The following NTNG1 variants were observed in gnomAD, a reference collection of about 807,000 sequenced individuals.
NTNG1 encodes netrin G1, also known as netrin-G1.
In NTNG1, 16 loss-of-function variants were observed where a neutral mutation model predicts 54.0. The observed-to-expected ratio is 0.30, with a 90% confidence interval of 0.20 to 0.45. NTNG1 has a LOEUF of 0.45. Ranked by LOEUF, NTNG1 falls within the 20% of genes least tolerant of loss-of-function variation. NTNG1 has a pLI of 1.00. For missense variants in NTNG1, 530 were observed against 678.7 expected (o/e 0.78, Z 2.43); for synonymous variants, 255 against 263.1 (o/e 0.97, Z 0.30).
intron 3 of NTNG1, among the ~76,000 whole-genome samples, chr1:107,338,657 GTTC>G (rs915004497): frequency 4.0e-5 from 6 of 151,744 alleles, no homozygotes; most frequent in Non-Finnish European, 5.9e-5. Flanking sequence ...TACACCAAGA[GTTC>G]TTCTTCTGGT....
At chr1:107,351,556 C>A (rs753717504) in intron 3 of NTNG1, among the ~76,000 whole-genome samples, 32 of 152,174 alleles carry the variant, frequency 2.1e-4, no homozygotes, top group Non-Finnish European at 4.0e-4. Flanking sequence ...AATCTGCCCC[C>A]ATGATCCAAT....
intron 2 of NTNG1, among the ~76,000 whole-genome samples, chr1:107,259,480 T>C (rs987665770): frequency 2.0e-5 from 3 of 152,236 alleles, no homozygotes; most frequent in African/African-American, 7.2e-5. Flanking sequence ...ACTTAGGAAA[T>C]ATCTTTAAAA....
chr1:107,246,567 A>T (rs1662217750), intron 2 of NTNG1, among the ~76,000 whole-genome samples: 1 of 152,046 alleles, frequency 6.6e-6, no homozygotes. Flanking sequence ...CTGGGTTTCC[A>T]TTTGATTTTT....
intron 2 of NTNG1, among the ~76,000 whole-genome samples, chr1:107,274,417 T>G (rs1261789658): frequency 6.6e-6 from 1 of 152,236 alleles, no homozygotes; most frequent in Non-Finnish European, 1.5e-5. Flanking sequence ...TGTATTGTAC[T>G]TGACATGTGC....
chr1:107,352,492 C>T (rs1669681332), intron 3 of NTNG1, among the ~76,000 whole-genome samples: 1 of 152,182 alleles, frequency 6.6e-6, no homozygotes, highest in East Asian at 1.9e-4. Context: ...AGGCTCCAGC[C>T]CCACATTTCC....
At position 107,214,354 on chromosome 1, in the gene NTNG1, T is replaced by C. The variant is rs138087103; in HGVS notation, c.246+65515T>C. On this transcript the variant is annotated intron_variant, in intron 2 of 7. Coordinates refer to ENST00000370068, the MANE Select transcript of NTNG1 (RefSeq NM_001113226.3). ...CTCATAGCTTAGCTCTCACTTACGA[T>C]TGAGAAGATACGATGTTTGATTTTC... is the stretch of plus-strand genomic sequence containing the variant. 2.8e-3 allele frequency among the ~76,000 whole-genome samples: 430 copies of C among 152,244 alleles called. 4 individuals carry two copies. Among genetic ancestry groups the C allele is most frequent in the South Asian group, 0.014 (66 of 4,826 alleles).
At chr1:107,185,592 T>C (rs1657394043) in intron 2 of NTNG1, among the ~76,000 whole-genome samples, 1 of 152,198 alleles carries the variant, frequency 6.6e-6, no homozygotes, top group Admixed American at 6.5e-5. Context: ...TTCTGAGGTT[T>C]GAGTGGCTAT....
chr1:107,301,003 G>C (rs1666279868), intron 2 of NTNG1, among the ~76,000 whole-genome samples: 1 of 151,616 alleles, frequency 6.6e-6, no homozygotes, highest in Non-Finnish European at 1.5e-5. Context: ...CTACCTAAAA[G>C]CTTATGACTT....
intron 2 of NTNG1, among the ~76,000 whole-genome samples, chr1:107,190,400 C>T (rs530305090): frequency 3.9e-5 from 6 of 152,040 alleles, no homozygotes; most frequent in Non-Finnish European, 8.8e-5. Context: ...AGTTCTTGAG[C>T]ATCTTTTTGT....
At chr1:107,171,611 G>C (rs1656243194) in intron 2 of NTNG1, among the ~76,000 whole-genome samples, 1 of 152,140 alleles carries the variant, frequency 6.6e-6, no homozygotes, top group Non-Finnish European at 1.5e-5. Context: ...ACTGCCCTGT[G>C]TGTGGAACCT....
intron 5 of NTNG1, chr1:107,420,943 G>A: frequency 1.6e-6 from 1 of 628,278 alleles, no homozygotes; most frequent in Non-Finnish European, 2.8e-6. Flanking sequence ...CTTTGTGATT[G>A]AAACAAACTC....
At chr1:107,330,118 C>T (rs1177466567) in intron 3 of NTNG1, among the ~76,000 whole-genome samples, 2 of 152,040 alleles carry the variant, frequency 1.3e-5, no homozygotes, top group Non-Finnish European at 2.9e-5. Context: ...TACCTAAAAA[C>T]AGCACAGCAT....
chr1:107,204,677 A>G (rs1659044497), intron 2 of NTNG1, among the ~76,000 whole-genome samples: 1 of 152,134 alleles, frequency 6.6e-6, no homozygotes, highest in Non-Finnish European at 1.5e-5. Flanking sequence ...AAATTATAAG[A>G]TAGAATGAAA....
intron 5 of NTNG1, among the ~76,000 whole-genome samples, chr1:107,428,020 C>T (rs569366564): frequency 1.2e-4 from 19 of 152,134 alleles, no homozygotes; most frequent in Middle Eastern, 3.4e-3. Flanking sequence ...GGTTTTCTTA[C>T]TCAGATAAAG....
chr1:107,450,891 C>T (rs556672739), intron 7 of NTNG1, among the ~76,000 whole-genome samples: 8 of 152,014 alleles, frequency 5.3e-5, no homozygotes, highest in Non-Finnish European at 1.0e-4. Flanking sequence ...ATGGTGACCT[C>T]TAAACAGACC....
chr1:107,474,327 G>A (rs900645892), intron 7 of NTNG1, among the ~76,000 whole-genome samples: 27 of 152,202 alleles, frequency 1.8e-4, no homozygotes, highest in African/African-American at 6.3e-4. Flanking sequence ...AGGGCACCAA[G>A]TAAAAAGTGT....
chr1:107,361,219 T>C (rs1426071080), intron 3 of NTNG1, among the ~76,000 whole-genome samples: 2 of 143,190 alleles, frequency 1.4e-5, no homozygotes, highest in African/African-American at 5.1e-5. Context: ...ATATATAAAT[T>C]ATATATAAAA....
intron 2 of NTNG1, among the ~76,000 whole-genome samples, chr1:107,204,187 G>C (rs936943810): frequency 6.6e-6 from 1 of 151,764 alleles, no homozygotes. Context: ...TGATTTCTTT[G>C]ATTACAACTT....
chr1:107,349,876 T>TA (rs1368109490), intron 3 of NTNG1, among the ~76,000 whole-genome samples: 3 of 152,160 alleles, frequency 2.0e-5, no homozygotes, highest in Admixed American at 1.3e-4. Context: ...CTCTTATAGA[T>TA]ATCCTTGTTA....
Sources: allele counts gnomAD v4.1 joint callset (sites outside exome capture counted in the v4.1 genomes callset), GRCh38; gene constraint gnomAD v4.1.1; transcripts MANE v1.5; gene names NCBI Gene and HGNC (gene_info 2026-07-23, HGNC 2026-07-21).